The following SNED1 variants were observed in gnomAD, a reference collection of about 807,000 sequenced individuals.
The protein encoded by SNED1 is sushi, nidogen and EGF like domains 1.
Under a neutral mutation model 166.7 loss-of-function variants are expected in SNED1, and 81 were observed. The ratio of observed to expected loss-of-function variants is 0.49; its 90% CI spans 0.41 to 0.58. SNED1 has a LOEUF of 0.58. Among genes scored for constraint, SNED1 ranks in the 20% least tolerant of loss-of-function variants. SNED1 has a pLI of 0.00. For missense variants in SNED1, 1,604 were observed against 2,000.2 expected, an observed-to-expected ratio of 0.80 and a Z score of 3.78; for synonymous variants, 762 against 822.0, an observed-to-expected ratio of 0.93 and a Z score of 1.25.
At chr2:241,085,378 G>A (rs570711809) in intron 29 of SNED1, among the ~76,000 whole-genome samples, 1 of 152,202 alleles carries the variant, frequency 6.6e-6, no homozygotes, top group South Asian at 2.1e-4. Context: ...CATTAATCCT[G>A]TTCAACAAAA....
At chr2:241,001,040 A>AC (rs910422791) in intron 1 of SNED1, among the ~76,000 whole-genome samples, 7 of 152,180 alleles carry the variant, frequency 4.6e-5, no homozygotes, top group African/African-American at 1.7e-4. Flanking sequence ...TCCCACGCCC[A>AC]CCCAGGCCGA....
In SNED1 at chr2:241,091,897, A is replaced by G. The variant is rs1412654290; in HGVS notation, c.*261A>G. The G allele has an allele frequency of 6.6e-6, 1 of 152,316 alleles. No individual in the cohort carries two copies. The highest frequency in any genetic ancestry group is 6.5e-5 in the Admixed American group (1 of 15,284). 9.4% of individuals were successfully genotyped at this position (152,316 alleles called of 1,614,324 possible). ...GTTTAAGCAGCCTGTGCCCTCACCCAAGCTGCAGTTCCTGAAGGTGTAGTC... is the reference window on the plus strand; with the variant it reads ...GTTTAAGCAGCCTGTGCCCTCACCCGAGCTGCAGTTCCTGAAGGTGTAGTC... On this transcript the variant is annotated 3_prime_UTR_variant, in exon 32 of 32. Transcript: ENST00000310397. This position sits in a 1 kb window ranked among gnomAD's most constrained non-coding sequence, Gnocchi z 4.1.
rs1421532683 is a variant in SNED1 at position 241,018,028 on chromosome 2, C to G, written c.214-12256C>G. 6.6e-6 allele frequency among the ~76,000 whole-genome samples: 1 copy of G among 152,084 alleles called. No individual in the cohort carries two copies. The highest frequency in any genetic ancestry group is 2.4e-5 in the African/African-American group (1 of 41,402). On this transcript the variant is annotated intron_variant, in intron 1 of 31. Coordinates refer to ENST00000310397, the MANE Select transcript of SNED1 (RefSeq NM_001080437.3). The surrounding 1 kb of genome is among the most constrained non-coding windows in gnomAD (Gnocchi z 5.4). ...GGGACCCCCTCAGTTCCAGGCAAACCAAGGTGGTGGGTACCTTGATCCCTT... is the reference window on the plus strand; with the variant it reads ...GGGACCCCCTCAGTTCCAGGCAAACGAAGGTGGTGGGTACCTTGATCCCTT...
chr2:241,031,081 G>A (rs918085993), intron 2 of SNED1, among the ~76,000 whole-genome samples: 5 of 152,196 alleles, frequency 3.3e-5, no homozygotes, highest in Non-Finnish European at 7.3e-5. Context: ...GGTCATGACT[G>A]TGCAAGACAG....
intron 1 of SNED1, among the ~76,000 whole-genome samples, chr2:241,008,490 G>T (rs1010458877): frequency 6.6e-6 from 1 of 152,188 alleles, no homozygotes; most frequent in South Asian, 2.1e-4. Context: ...GACTGGTGGT[G>T]GGGGTGGAAG....
chr2:241,081,705 C>T lies in SNED1; in HGVS notation c.3945C>T (p.Pro1315=). Residue 1315 remains proline, a synonymous_variant, in exon 28 of 32, where the codon CCC becomes CCT. Coordinates refer to ENST00000310397, the MANE Select transcript of SNED1 (RefSeq NM_001080437.3). The part of the protein sequence containing the change: ...GNVPGNCSEN[P]CQNGGTCVPG... ...TCCCTGGCAACTGTTCAGAAAACCCCTGTCAGAACGGAGGCACTTGTGTGC... is the reference window on the plus strand; with the variant it reads ...TCCCTGGCAACTGTTCAGAAAACCCTTGTCAGAACGGAGGCACTTGTGTGC... The T allele has an allele frequency of 1.2e-6, 2 of 1,608,660 alleles. No homozygotes were observed. Among genetic ancestry groups the T allele is most frequent in the Non-Finnish European group, 1.7e-6 (2 of 1,177,492 alleles).
In SNED1 at chr2:241,032,473, A is replaced by G. The variant is rs959958065; in HGVS notation, c.502-1262A>G. On this transcript the variant is annotated intron_variant, in intron 2 of 31. Transcript: ENST00000310397. The stretch of plus-strand genomic sequence containing the variant: ...CACAGGAAGGGGAACATCACACACC[A>G]GGGCCTGTCGTGGGGTGGGGGGGTC... 1.1e-4 allele frequency among the ~76,000 whole-genome samples: 10 copies of G among 89,064 alleles called. No individual in the cohort carries two copies. The South Asian group carries it at 1.7e-3, about 15-fold the overall frequency. The allele number at this position is 89,064 out of a possible 152,430, so 58.4% of individuals were successfully genotyped here.
At chr2:241,040,000 C>A in intron 6 of SNED1, 75 bp from the exon 7 acceptor site, 2 of 1,196,656 alleles carry the variant, frequency 1.7e-6, no homozygotes, top group South Asian at 2.7e-5. Flanking sequence ...GCTCAGTGTA[C>A]GTCCCAGGGG....
At chr2:241,058,495 T>C (rs10167154) in intron 16 of SNED1, among the ~76,000 whole-genome samples, 13,464 of 152,188 alleles carry the variant, frequency 0.088, 1,094 homozygotes, top group African/African-American at 0.21. Context: ...AAGCCAAAAT[T>C]AGTTCTTTGA....
chr2:241,053,700 C>T (rs894003574), intron 16 of SNED1, among the ~76,000 whole-genome samples: 19 of 152,158 alleles, frequency 1.2e-4, no homozygotes, highest in African/African-American at 4.6e-4. Flanking sequence ...CCCTTGAAGA[C>T]TTGTGGAATC....
rs11895527 is a variant in SNED1 at position 241,068,270 on chromosome 2, G to A, written c.3194+323G>A. Among the ~76,000 whole-genome samples the A allele has an allele frequency of 6.1e-3, 919 of 151,832 alleles. 14 individuals are homozygous for A. Among genetic ancestry groups the A allele is most frequent in the African/African-American group, 0.021 (871 of 41,200 alleles). The stretch of plus-strand genomic sequence containing the variant: ...GTGACTTGGCCCCTCAGAGAGCAGC[G>A]GCCAGCGAGGGTAGATGGTAGCAGC... On this transcript the variant is annotated intron_variant, in intron 22 of 31. Transcript: ENST00000310397. The surrounding 1 kb of genome is among the most constrained non-coding windows in gnomAD (Gnocchi z 5.3).
chr2:241,089,362 G>C (rs555436993), intron 31 of SNED1: 4 of 1,550,376 alleles, frequency 2.6e-6, no homozygotes, highest in Non-Finnish European at 3.5e-6. Flanking sequence ...GTTTTGTTAC[G>C]TGCCTAAAAA....
chr2:241,089,233 G>C, intron 31 of SNED1: 1 of 1,434,818 alleles, frequency 7.0e-7, no homozygotes, highest in African/African-American at 1.4e-5. Context: ...TGAATCTCTG[G>C]TTGGCCTAGG....
chr2:241,044,049 AAAT>A (rs2061583170), intron 8 of SNED1, among the ~76,000 whole-genome samples: 1 of 152,242 alleles, frequency 6.6e-6, no homozygotes, highest in Non-Finnish European at 1.5e-5. Flanking sequence ...AACAAGTGAA[AAAT>A]AATAATAAAG....
chr2:241,034,015 A>C, intron 3 of SNED1, 140 bp downstream of exon 3: 1 of 1,096,804 alleles, frequency 9.1e-7, no homozygotes, highest in Non-Finnish European at 1.3e-6. Flanking sequence ...AGACATCCAC[A>C]ACCATCCCTG....
At chr2:241,040,537 G>GCA in intron 8 of SNED1, 124 bp downstream of exon 8, 1 of 657,636 alleles carries the variant, frequency 1.5e-6, no homozygotes, top group Non-Finnish European at 2.6e-6. Flanking sequence ...CTCTGGGGTG[G>GCA]GAGGATGCCT....
At chr2:241,084,139 T>C (rs893824143) in intron 29 of SNED1, among the ~76,000 whole-genome samples, 3 of 150,196 alleles carry the variant, frequency 2.0e-5, no homozygotes, top group Non-Finnish European at 4.4e-5. Flanking sequence ...CTAGGATTTT[T>C]TTTTTTTTTT....
Position 241,073,004 on chromosome 2 carries a change from G to T in SNED1, c.3818-262G>T. Reference sequence around the variant, plus strand: ...AGGATGGGGCCTCTCAGCATGATCAGTGGTGGCTGTCCCTGAAGCAGCTCT... The same window carrying T: ...AGGATGGGGCCTCTCAGCATGATCATTGGTGGCTGTCCCTGAAGCAGCTCT... On this transcript the variant is annotated intron_variant, in intron 26 of 31. Transcript: ENST00000310397. The surrounding 1 kb of genome is among the most constrained non-coding windows in gnomAD (Gnocchi z 6.6). 2.0e-6 allele frequency: 1 copy of T among 504,084 alleles called. No homozygotes were observed. Among genetic ancestry groups the T allele is most frequent in the South Asian group, 3.6e-5 (1 of 27,524 alleles). 31.2% of individuals were successfully genotyped at this position (504,084 alleles called of 1,614,324 possible). A position where few individuals can be genotyped will look rare whatever the true frequency, so the allele number is the denominator to read the frequency against.
rs1192135880 is a variant in SNED1 at position 241,051,440 on chromosome 2, C to T, written c.1736-304C>T. On this transcript the variant is annotated intron_variant, in intron 12 of 31. Coordinates refer to ENST00000310397, the MANE Select transcript of SNED1 (RefSeq NM_001080437.3). This position sits in a 1 kb window ranked among gnomAD's most constrained non-coding sequence, Gnocchi z 4.7. ...TGCAGGAGGGAGGGAGTGCTGCGCC[C>T]GCTGCAGTGTTGGGGCCGGTTCTCC... is the stretch of plus-strand genomic sequence containing the variant. 2.6e-5 allele frequency: 8 copies of T among 312,748 alleles called. No individual in the cohort carries two copies. The highest frequency in any genetic ancestry group is 2.9e-4 in the South Asian group (2 of 6,820). The allele number at this position is 312,748 out of a possible 1,614,324, so 19.4% of individuals were successfully genotyped here.
Sources: allele counts gnomAD v4.1 joint callset (sites outside exome capture counted in the v4.1 genomes callset), GRCh38; gene constraint gnomAD v4.1.1; non-coding constraint Gnocchi (gnomAD v3.1); transcripts MANE v1.5; gene names NCBI Gene and HGNC (gene_info 2026-07-23, HGNC 2026-07-21).